Variants in KCNQ5 observed in about 807,000 individuals in gnomAD.
The protein encoded by KCNQ5 is potassium voltage-gated channel subfamily KQT member 5.
In KCNQ5, 30 loss-of-function variants were observed where a neutral mutation model predicts 98.2. That is an observed-to-expected ratio of 0.31 (90% CI 0.23 to 0.41). The LOEUF is 0.41. Among genes scored for constraint, KCNQ5 ranks in the 10% least tolerant of loss-of-function variants. The pLI, the probability that KCNQ5 is intolerant of heterozygous loss-of-function variation, is 1.00. For synonymous variants in KCNQ5, 458 were observed against 449.4 expected, an observed-to-expected ratio of 1.02 and a Z score of -0.24; for missense variants, 835 against 1,182.5, an observed-to-expected ratio of 0.71 and a Z score of 4.31.
chr6:72,874,893 G>GTTTA (rs896264752), intron 1 of KCNQ5, among the ~76,000 whole-genome samples: 37 of 152,192 alleles, frequency 2.4e-4, no homozygotes, highest in African/African-American at 8.4e-4. Context: ...ATATAGCAGG[G>GTTTA]TTTATATTGT....
intron 1 of KCNQ5, among the ~76,000 whole-genome samples, chr6:72,746,064 CAAAAAA>C (rs59726566): frequency 3.7e-5 from 3 of 80,212 alleles, no homozygotes; most frequent in African/African-American, 3.5e-5. Context: ...ACTCTATTTG[CAAAAAA>C]AAAAAAAAAA....
At chr6:72,864,062 A>G (rs1357602718) in intron 1 of KCNQ5, among the ~76,000 whole-genome samples, 1 of 152,174 alleles carries the variant, frequency 6.6e-6, no homozygotes, top group African/African-American at 2.4e-5. Context: ...AAATATTGAA[A>G]CTGTCTGAGT....
rs1779357750 is a variant in KCNQ5 at position 72,898,782 on chromosome 6, C to T, written c.399-105126C>T. Reference sequence around the variant, plus strand: ...TCCATAATGGTTGAACTAATTTATACTCCCACCAACAGTGTAAAAGGGTTC... The same window carrying T: ...TCCATAATGGTTGAACTAATTTATATTCCCACCAACAGTGTAAAAGGGTTC... On this transcript the variant is annotated intron_variant, in intron 1 of 13. Coordinates refer to ENST00000370398, the MANE Select transcript of KCNQ5 (RefSeq NM_019842.4). Among the ~76,000 whole-genome samples, 4 of 152,140 alleles carry T rather than the reference C, an allele frequency of 2.6e-5. No individual in the cohort carries two copies. The South Asian group carries it at 6.2e-4, about 24-fold the overall frequency.
chr6:72,663,407 G>C (rs896511179), intron 1 of KCNQ5, among the ~76,000 whole-genome samples: 1 of 152,180 alleles, frequency 6.6e-6, no homozygotes, highest in South Asian at 2.1e-4. Flanking sequence ...CCCCTACAAG[G>C]TTGACTGAGA....
intron 1 of KCNQ5, among the ~76,000 whole-genome samples, chr6:72,849,196 G>A (rs1044466210): frequency 1.3e-5 from 2 of 151,900 alleles, no homozygotes; most frequent in African/African-American, 4.8e-5. Flanking sequence ...ATCCTTTGAT[G>A]GACATTTAAA....
chr6:72,720,213 A>C (rs1309144352), intron 1 of KCNQ5, among the ~76,000 whole-genome samples: 4 of 152,192 alleles, frequency 2.6e-5, no homozygotes, highest in Non-Finnish European at 4.4e-5. Context: ...TACTGCTATA[A>C]GTGCACAGTC....
intron 1 of KCNQ5, among the ~76,000 whole-genome samples, chr6:72,866,716 C>T (rs1182522767): frequency 6.6e-6 from 1 of 152,190 alleles, no homozygotes; most frequent in Non-Finnish European, 1.5e-5. Flanking sequence ...GCTATACATC[C>T]ACATCAACAA....
chr6:72,877,140 G>A lies in KCNQ5; in HGVS notation c.399-126768G>A, dbSNP rs551991048. Reference sequence around the variant, plus strand: ...TATACATGTGCCATGGTGTTTTGCTGCACCTATCAACCTGTCATCTAGGTT... The same window carrying A: ...TATACATGTGCCATGGTGTTTTGCTACACCTATCAACCTGTCATCTAGGTT... On this transcript the variant is annotated intron_variant, in intron 1 of 13. Transcript: ENST00000370398. Among the ~76,000 whole-genome samples the A allele has an allele frequency of 5.4e-4, 82 of 152,090 alleles. 1 individual carries two copies. The highest frequency in any genetic ancestry group is 1.2e-3 in the South Asian group (6 of 4,806).
chr6:72,953,775 T>C (rs1042295218), intron 1 of KCNQ5, among the ~76,000 whole-genome samples: 2 of 152,136 alleles, frequency 1.3e-5, no homozygotes, highest in Admixed American at 1.3e-4. Flanking sequence ...ATATGTATGT[T>C]ACAGAATTTT....
intron 6 of KCNQ5, 89 bp downstream of exon 6, chr6:73,105,456 A>G (rs1774962092): frequency 3.2e-6 from 2 of 615,390 alleles, no homozygotes; most frequent in Non-Finnish European, 5.5e-6. Flanking sequence ...GCTTGGGAAC[A>G]TATCTATATC....
intron 1 of KCNQ5, among the ~76,000 whole-genome samples, chr6:72,794,403 A>G (rs1774218895): frequency 6.6e-6 from 1 of 152,168 alleles, no homozygotes; most frequent in Non-Finnish European, 1.5e-5. Context: ...CTGGCACCAA[A>G]TTACTTTTTA....
chr6:72,866,840 C>T (rs1778007424), intron 1 of KCNQ5, among the ~76,000 whole-genome samples: 1 of 152,190 alleles, frequency 6.6e-6, no homozygotes. Context: ...TTCTCAACAC[C>T]ATTAAAGATG....
chr6:72,865,062 A>C (rs1777924538), intron 1 of KCNQ5, among the ~76,000 whole-genome samples: 1 of 152,200 alleles, frequency 6.6e-6, no homozygotes, highest in Non-Finnish European at 1.5e-5. Flanking sequence ...ACATTTCTTC[A>C]TTTAATCCTT....
intron 1 of KCNQ5, among the ~76,000 whole-genome samples, chr6:72,738,302 A>T (rs1031945424): frequency 2.6e-5 from 4 of 152,086 alleles, no homozygotes; most frequent in African/African-American, 9.7e-5. Context: ...GGCCCTTGTG[A>T]CCTCATTCAC....
chr6:73,182,552 C>T (rs747493648), intron 11 of KCNQ5, among the ~76,000 whole-genome samples: 1 of 152,114 alleles, frequency 6.6e-6, no homozygotes. Flanking sequence ...AGTTAAAGCC[C>T]TTAGTATATG....
chr6:72,776,433 T>G (rs1489204045), intron 1 of KCNQ5, among the ~76,000 whole-genome samples: 1 of 152,224 alleles, frequency 6.6e-6, no homozygotes, highest in Non-Finnish European at 1.5e-5. Flanking sequence ...AGTTCAACTC[T>G]TTATATATCA....
chr6:73,108,156 T>A (rs1040607050), intron 6 of KCNQ5, among the ~76,000 whole-genome samples: 3 of 152,014 alleles, frequency 2.0e-5, no homozygotes, highest in African/African-American at 7.3e-5. Flanking sequence ...CATCACAGAG[T>A]CATACAAGCC....
chr6:73,060,947 T>A (rs1772752013), intron 3 of KCNQ5, among the ~76,000 whole-genome samples: 1 of 152,156 alleles, frequency 6.6e-6, no homozygotes, highest in East Asian at 1.9e-4. Context: ...AGAGTGTCAA[T>A]ATCTACCAAA....
chr6:72,918,034 T>G (rs1780236211), intron 1 of KCNQ5, among the ~76,000 whole-genome samples: 1 of 152,096 alleles, frequency 6.6e-6, no homozygotes, highest in Non-Finnish European at 1.5e-5. Context: ...CAACCAAAAA[T>G]GTCTCCAGAT....
Sources: allele counts gnomAD v4.1 joint callset (sites outside exome capture counted in the v4.1 genomes callset), GRCh38; gene constraint gnomAD v4.1.1; transcripts MANE v1.5; gene names NCBI Gene and HGNC (gene_info 2026-07-23, HGNC 2026-07-21).